EPB41L4B: variants seen among roughly 807,000 people sequenced by gnomAD.
EPB41L4B encodes the protein band 4.1-like protein 4B.
EPB41L4B carries 30 observed loss-of-function variants against 112.5 expected under a neutral mutation model. The observed-to-expected ratio is 0.27, with a 90% CI of 0.20 to 0.36. The LOEUF (loss-of-function observed/expected upper bound fraction) is 0.36, where lower values mean the gene tolerates loss of function less well. EPB41L4B is among the 10% of genes least tolerant of loss of function. EPB41L4B has a pLI of 1.00. For missense variants in EPB41L4B, 1,024 were observed against 1,133.3 expected, an observed-to-expected ratio of 0.90 and a Z score of 1.38; for synonymous variants, 408 against 439.7, an observed-to-expected ratio of 0.93 and a Z score of 0.90.
chr9:109,255,435 T>C, intron 11 of EPB41L4B, 76 bp downstream of exon 11: 2 of 1,554,100 alleles, frequency 1.3e-6, no homozygotes, highest in Non-Finnish European at 1.8e-6. Context: ...TCCACTACTC[T>C]ATTCGCATAC....
chr9:109,313,431 T>TG lies in EPB41L4B; in HGVS notation c.306+6709dup, dbSNP rs140446476. Among the ~76,000 whole-genome samples the TG allele has an allele frequency of 4.2e-3, 638 of 152,064 alleles. 9 individuals are homozygous for TG. The highest frequency in any genetic ancestry group is 0.039 in the East Asian group (200 of 5,174). On this transcript the variant is annotated intron_variant, in intron 1 of 25. Transcript: ENST00000374566. ...AGTGAGATTAGAGGGATTAGGGTGGTGGGGGGGCACACCAGGATGCTGCCC... is the reference window on the plus strand; with the variant it reads ...AGTGAGATTAGAGGGATTAGGGTGGTGGGGGGGGCACACCAGGATGCTGCCC...
At chr9:109,268,338 G>A (rs1835481531) in intron 3 of EPB41L4B, 53 bp downstream of exon 3, 2 of 1,507,652 alleles carry the variant, frequency 1.3e-6, no homozygotes, top group Non-Finnish European at 1.8e-6. Flanking sequence ...ACTGGCAAAG[G>A]AGTTTACTCT....
chr9:109,199,499 T>C (rs932869440), intron 20 of EPB41L4B, among the ~76,000 whole-genome samples: 6 of 152,002 alleles, frequency 3.9e-5, no homozygotes, highest in African/African-American at 1.2e-4. Context: ...TGAAACCCCG[T>C]CTCTACCAAA....
At chr9:109,299,879 G>T (rs1438658944) in intron 1 of EPB41L4B, among the ~76,000 whole-genome samples, 1 of 152,172 alleles carries the variant, frequency 6.6e-6, no homozygotes, top group East Asian at 1.9e-4. Context: ...GCTGTGTGGG[G>T]ATGGTCCACT....
chr9:109,194,838 T>C (rs1168866150), intron 20 of EPB41L4B, among the ~76,000 whole-genome samples: 1 of 152,100 alleles, frequency 6.6e-6, no homozygotes, highest in African/African-American at 2.4e-5. Context: ...CCACTTTCTG[T>C]CCCAATGAAT....
At chr9:109,214,394 A>G (rs1465059555) in intron 16 of EPB41L4B, among the ~76,000 whole-genome samples, 1 of 152,234 alleles carries the variant, frequency 6.6e-6, no homozygotes, top group African/African-American at 2.4e-5. Context: ...AAGTATCGTT[A>G]GCAACTGGGA....
intron 1 of EPB41L4B, among the ~76,000 whole-genome samples, chr9:109,281,690 A>G (rs1417229615): frequency 1.3e-5 from 1 of 78,770 alleles, no homozygotes; most frequent in African/African-American, 6.7e-5. Flanking sequence ...TCTCATAAAT[A>G]AATAAATAAA....
At chr9:109,251,329 T>C (rs2119007477) in intron 13 of EPB41L4B, 152 bp downstream of exon 13, 4 of 742,480 alleles carry the variant, frequency 5.4e-6, no homozygotes, top group Non-Finnish European at 9.4e-6. Flanking sequence ...TTGAAAGCCA[T>C]GAGCATGGAA....
Position 109,185,341 on chromosome 9 carries a change from T to A in EPB41L4B, c.2418+148A>T. ...CCAGGGCCAGCTGGACTCCAAATCC[T>A]CCATCCATCTGGAGTGAGGGCACCT... is the stretch of plus-strand genomic sequence containing the variant. On this transcript the variant is annotated intron_variant, in intron 23 of 25. Transcript: ENST00000374566. The A allele has an allele frequency of 4.6e-6, 3 of 646,920 alleles. No homozygotes were observed. In the South Asian group the frequency reaches 5.6e-5, roughly 12 times the overall value. The allele number at this position is 646,920 out of a possible 1,614,324, so 40.1% of individuals were successfully genotyped here.
In EPB41L4B at chr9:109,264,835, A is replaced by G. The variant is rs902086822; in HGVS notation, c.578+145T>C. 8.8e-6 allele frequency: 5 copies of G among 567,900 alleles called. No homozygotes were observed. In the African/African-American group the frequency reaches 9.5e-5, roughly 11 times the overall value. The allele number at this position is 567,900 out of a possible 1,614,324, so 35.2% of individuals were successfully genotyped here. On this transcript the variant is annotated intron_variant, in intron 5 of 25. Coordinates refer to ENST00000374566, the MANE Select transcript of EPB41L4B (RefSeq NM_019114.5). ...AATAGGATGATAATGACAGTGATACAAGTATTAGACTCACTTTACAATGCC... is the reference window on the plus strand; with the variant it reads ...AATAGGATGATAATGACAGTGATACGAGTATTAGACTCACTTTACAATGCC...
chr9:109,317,890 T>G lies in EPB41L4B; in HGVS notation c.306+2251A>C, dbSNP rs1334938876. 3.9e-5 allele frequency among the ~76,000 whole-genome samples: 6 copies of G among 152,224 alleles called. No homozygotes were observed. In the East Asian group the frequency reaches 1.2e-3, roughly 29 times the overall value. On this transcript the variant is annotated intron_variant, in intron 1 of 25. Transcript: ENST00000374566. ...AAGAGTGAGCCCAGTGAAGTGGGTC[T>G]GAGGAGCAGCAAATGCTACAAATGC... is the stretch of plus-strand genomic sequence containing the variant.
chr9:109,294,289 AGAGT>A (rs1836650139), intron 1 of EPB41L4B, among the ~76,000 whole-genome samples: 1 of 147,850 alleles, frequency 6.8e-6, no homozygotes, highest in Non-Finnish European at 1.5e-5. Flanking sequence ...TGGGCGAGAG[AGAGT>A]GAGACTCCGT....
At chr9:109,229,808 G>A (rs1833896961) in intron 15 of EPB41L4B, among the ~76,000 whole-genome samples, 1 of 152,158 alleles carries the variant, frequency 6.6e-6, no homozygotes, top group Non-Finnish European at 1.5e-5. Flanking sequence ...GAGTAAGTGG[G>A]CAGGACATGG....
intron 8 of EPB41L4B, 22 bp from the exon 9 acceptor site, chr9:109,256,246 A>G (rs1834979033): frequency 1.9e-6 from 3 of 1,609,346 alleles, no homozygotes; most frequent in East Asian, 4.5e-5. Context: ...CGAAGTGACA[A>G]TCGGTAGAGG....
At chr9:109,289,892 C>T (rs1239996978) in intron 1 of EPB41L4B, among the ~76,000 whole-genome samples, 1 of 152,222 alleles carries the variant, frequency 6.6e-6, no homozygotes, top group Non-Finnish European at 1.5e-5. Flanking sequence ...ATGATCTATC[C>T]TATTAAGAAC....
In EPB41L4B at chr9:109,320,339, C is replaced by T. The variant is rs935332804; in HGVS notation, c.108G>A (p.Gly36=). The change falls in exon 1 of 26, where the codon GGG becomes GGA. Residue 36 remains glycine (G), a synonymous_variant. Transcript: ENST00000374566. ...AAGLGDERDG[G]PRGGPAAAAS... Reference sequence around the variant, plus strand: ...CGGCGGCGGCCGGGCCCCCCCGTGGCCCCCCATCGCGCTCGTCCCCCAGCC... The same window carrying T: ...CGGCGGCGGCCGGGCCCCCCCGTGGTCCCCCATCGCGCTCGTCCCCCAGCC... The T allele has an allele frequency of 4.1e-6, 4 of 985,534 alleles. No homozygotes were observed. Among genetic ancestry groups the T allele is most frequent in the South Asian group, 4.5e-5 (1 of 22,126 alleles). 61.0% of individuals were successfully genotyped at this position (985,534 alleles called of 1,614,324 possible).
intron 19 of EPB41L4B, among the ~76,000 whole-genome samples, chr9:109,202,840 C>G (rs1435601257): frequency 2.0e-5 from 3 of 152,200 alleles, no homozygotes; most frequent in Non-Finnish European, 4.4e-5. Flanking sequence ...CCAAGTTACA[C>G]TTGTACCCCA....
Position 109,320,180 on chromosome 9 carries a change from G to A in EPB41L4B, c.267C>T (p.Val89=). Residue 89 remains valine (V), a synonymous_variant, in exon 1 of 26, where the codon GTC becomes GTT. Transcript: ENST00000374566. The part of the protein sequence containing the change: ...GAAKATLYCR[V]FLLDGTEVSV... Reference sequence around the variant, plus strand: ...TCACTTCGGTCCCGTCGAGCAGGAAGACGCGGCAGTAGAGGGTGGCCTTGG... The same window carrying A: ...TCACTTCGGTCCCGTCGAGCAGGAAAACGCGGCAGTAGAGGGTGGCCTTGG... 6.7e-7 allele frequency: 1 copy of A among 1,486,090 alleles called. No homozygotes were observed. The highest frequency in any genetic ancestry group is 9.0e-7 in the Non-Finnish European group (1 of 1,115,640). 92.1% of individuals were successfully genotyped at this position (1,486,090 alleles called of 1,614,324 possible).
At chr9:109,294,363 T>C (rs1455372758) in intron 1 of EPB41L4B, among the ~76,000 whole-genome samples, 1 of 150,404 alleles carries the variant, frequency 6.6e-6, no homozygotes, top group Non-Finnish European at 1.5e-5. Flanking sequence ...ATGCCTATAA[T>C]CCCAGCACTT....
Sources: allele counts gnomAD v4.1 joint callset (sites outside exome capture counted in the v4.1 genomes callset), GRCh38; gene constraint gnomAD v4.1.1; transcripts MANE v1.5; gene names NCBI Gene and HGNC (gene_info 2026-07-23, HGNC 2026-07-21).